The following ZNF486 variants were observed in gnomAD, a reference collection of about 807,000 sequenced individuals.
The protein encoded by ZNF486 is KRAB box only protein 2.
ZNF486 carries 12 observed loss-of-function variants against 12.8 expected under a neutral mutation model. That is an observed-to-expected ratio of 0.94 (90% CI 0.60 to 1.52). The LOEUF (loss-of-function observed/expected upper bound fraction) is 1.52, where lower values mean the gene tolerates loss of function less well. Ranked by LOEUF, ZNF486 falls within the 40% of genes most tolerant of loss-of-function variation. The pLI is 0.00. For synonymous variants in ZNF486, 231 were observed against 184.9 expected (o/e 1.25, Z -2.02); for missense variants, 738 against 545.0 (o/e 1.35, Z -3.53).
chr19:20,180,160 T>C (rs1276936186), intron 1 of ZNF486, among the ~76,000 whole-genome samples: 1 of 152,196 alleles, frequency 6.6e-6, no homozygotes, highest in Non-Finnish European at 1.5e-5. Context: ...AGAATTGTGT[T>C]AGGCTGACAA....
At chr19:20,188,843 T>G (rs1213517598) in intron 3 of ZNF486, 1 of 171,240 alleles carries the variant, frequency 5.8e-6, no homozygotes. Flanking sequence ...ACTTAAGATA[T>G]CCATAATTTT....
At chr19:20,184,769 T>C (rs1490782734) in intron 2 of ZNF486, among the ~76,000 whole-genome samples, 1 of 152,154 alleles carries the variant, frequency 6.6e-6, no homozygotes, top group Non-Finnish European at 1.5e-5. Flanking sequence ...AAAATCTCAT[T>C]GCCACCATCA....
chr19:20,178,240 C>T (rs2089744879), intron 1 of ZNF486, among the ~76,000 whole-genome samples: 1 of 150,898 alleles, frequency 6.6e-6, no homozygotes, highest in Non-Finnish European at 1.5e-5. Context: ...GAAAATTGTT[C>T]TTCTCTTTTT....
At chr19:20,192,388 C>A (rs902076915) in intron 3 of ZNF486, among the ~76,000 whole-genome samples, 3 of 152,170 alleles carry the variant, frequency 2.0e-5, no homozygotes, top group Non-Finnish European at 4.4e-5. Flanking sequence ...TCACTGCAAC[C>A]TCTGCCTCCC....
At chr19:20,188,821 T>A in intron 3 of ZNF486, 1 of 191,778 alleles carries the variant, frequency 5.2e-6, no homozygotes, top group Admixed American at 6.0e-5. Context: ...CTTTCTGTTT[T>A]ATGATTTGAC....
intron 3 of ZNF486, among the ~76,000 whole-genome samples, chr19:20,189,439 A>G (rs2089881744): frequency 6.6e-6 from 1 of 152,288 alleles, no homozygotes. Context: ...TAATGGCTGC[A>G]TCTTTGTTTT....
At chr19:20,174,257 G>A (rs895660529) in intron 1 of ZNF486, among the ~76,000 whole-genome samples, 2 of 152,286 alleles carry the variant, frequency 1.3e-5, no homozygotes, top group South Asian at 2.1e-4. Flanking sequence ...AGTTCAGTGC[G>A]TAAACTGAAC....
At chr19:20,181,610 G>C (rs948701660) in intron 1 of ZNF486, among the ~76,000 whole-genome samples, 17 of 151,126 alleles carry the variant, frequency 1.1e-4, no homozygotes, top group African/African-American at 4.1e-4. Flanking sequence ...TTCTGTTAAA[G>C]CCAGTGTTTG....
chr19:20,175,380 G>A (rs1244333269), intron 1 of ZNF486: 3 of 137,628 alleles, frequency 2.2e-5, no homozygotes, highest in African/African-American at 8.3e-5. Flanking sequence ...TTCTCGCAGA[G>A]GGGGATTTGG....
chr19:20,181,461 C>T (rs2089785115), intron 1 of ZNF486, among the ~76,000 whole-genome samples: 1 of 151,300 alleles, frequency 6.6e-6, no homozygotes. Flanking sequence ...ATGGCGTGAA[C>T]CCAGGAGGCG....
chr19:20,176,315 G>C (rs998303888), intron 1 of ZNF486: 3 of 169,210 alleles, frequency 1.8e-5, no homozygotes, highest in African/African-American at 1.0e-4. Context: ...GATGGCGGCC[G>C]GGCAGAGACC....
intron 1 of ZNF486, among the ~76,000 whole-genome samples, chr19:20,178,738 A>G (rs2089751739): frequency 6.6e-6 from 1 of 152,202 alleles, no homozygotes; most frequent in African/African-American, 2.4e-5. Flanking sequence ...TGTTATCTAT[A>G]GTCCTGTACA....
chr19:20,172,474 C>A (rs865936), intron 1 of ZNF486, among the ~76,000 whole-genome samples: 1 of 151,130 alleles, frequency 6.6e-6, no homozygotes, highest in Non-Finnish European at 1.5e-5. Flanking sequence ...ATTTTTTGTA[C>A]TTTTAGTAGA....
chr19:20,169,888 GTT>G (rs781968530), intron 1 of ZNF486, among the ~76,000 whole-genome samples: 3,659 of 108,772 alleles, frequency 0.034, 132 homozygotes, highest in African/African-American at 0.13. Flanking sequence ...GGGGTTGTAT[GTT>G]TTTTTTTTTT....
intron 1 of ZNF486, among the ~76,000 whole-genome samples, chr19:20,173,164 C>A (rs184580685): frequency 6.6e-6 from 1 of 152,188 alleles, no homozygotes; most frequent in East Asian, 1.9e-4. Flanking sequence ...ATGGTATTTC[C>A]TAGGTTATCT....
chr19:20,175,349 T>G (rs1251768933), intron 1 of ZNF486: 1 of 147,392 alleles, frequency 6.8e-6, no homozygotes, highest in Admixed American at 6.8e-5. Context: ...TTTTTTTTTT[T>G]TATTGATCAT....
In ZNF486 at chr19:20,175,366, G is replaced by A. The variant is rs1023777164; in HGVS notation, c.30+8006G>A. The stretch of plus-strand genomic sequence containing the variant: ...TTTTTTTTTTATTGATCATTCTTGG[G>A]TGTTTCTCGCAGAGGGGGATTTGGC... On this transcript the variant is annotated intron_variant, in intron 1 of 3. Transcript: ENST00000335117. 8.8e-4 allele frequency: 103 copies of A among 116,722 alleles called. 1 individual carries two copies. Among genetic ancestry groups the A allele is most frequent in the African/African-American group, 3.5e-3 (98 of 28,086 alleles). The allele number at this position is 116,722 out of a possible 1,614,324, so 7.2% of individuals were successfully genotyped here. A position where few individuals can be genotyped will look rare whatever the true frequency, so the allele number is the denominator to read the frequency against.
rs781832830 is a variant in ZNF486 at position 20,198,069 on chromosome 19, G to T, written c.1359G>T (p.Lys453Asn). 2.5e-6 allele frequency: 4 copies of T among 1,605,226 alleles called. No homozygotes were observed. The highest frequency in any genetic ancestry group is 3.4e-6 in the Non-Finnish European group (4 of 1,175,440). The change falls in exon 4 of 4, where the codon AAG becomes AAT. Residue 453 changes from lysine to asparagine, a missense_variant. By Grantham distance (94) the Lys-to-Asn change is moderately conservative. Coordinates refer to ENST00000335117, the MANE Select transcript of ZNF486 (RefSeq NM_052852.4). Reference protein sequence around the residue: ...FNWSSDLNKHKRIHIGQKPRT With the variant: ...FNWSSDLNKHNRIHIGQKPRT The stretch of plus-strand genomic sequence containing the variant: ...GGTCCTCAGACCTTAATAAACATAA[G>T]AGAATTCATATTGGACAGAAACCAA...
Position 20,198,471 on chromosome 19 carries a change from G to T in ZNF486, c.*369G>T. ...TTCATACTGGACAGAAACCCTACAA[G>T]TGTGAAGAATGTGGCAAGCCTGTAA... On this transcript the variant is annotated 3_prime_UTR_variant, in exon 4 of 4. Transcript: ENST00000335117. 5.2e-6 allele frequency: 1 copy of T among 193,682 alleles called. No homozygotes were observed. Among genetic ancestry groups the T allele is most frequent in the Non-Finnish European group, 1.1e-5 (1 of 91,782 alleles). The allele number at this position is 193,682 out of a possible 1,614,324, so 12.0% of individuals were successfully genotyped here.
Sources: allele counts gnomAD v4.1 joint callset (sites outside exome capture counted in the v4.1 genomes callset), GRCh38; gene constraint gnomAD v4.1.1; transcripts MANE v1.5; gene names NCBI Gene and HGNC (gene_info 2026-07-23, HGNC 2026-07-21).